MPPED2: variants seen among roughly 807,000 people sequenced by gnomAD.
The protein encoded by MPPED2 is metallophosphoesterase MPPED2.
In MPPED2, 5 loss-of-function variants were observed where a neutral mutation model predicts 33.0. The observed-to-expected ratio is 0.15, with a 90% CI of 0.08 to 0.32. The LOEUF is 0.32. MPPED2 is among the 10% of genes least tolerant of loss of function. The probability of loss-of-function intolerance (pLI) is 1.00; values close to 1 mark genes in which losing one functional copy is unlikely to be tolerated. For missense variants in MPPED2, 275 were observed against 372.1 expected (o/e 0.74, Z 2.15); for synonymous variants, 136 against 141.9 (o/e 0.96, Z 0.29).
At chr11:30,550,917 C>G (rs898176753) in intron 2 of MPPED2, among the ~76,000 whole-genome samples, 1 of 152,128 alleles carries the variant, frequency 6.6e-6, no homozygotes, top group African/African-American at 2.4e-5. Flanking sequence ...AGGACTTAAA[C>G]CCAAAGAAAG....
intron 4 of MPPED2, among the ~76,000 whole-genome samples, chr11:30,433,364 A>T (rs557516350): frequency 1.3e-5 from 2 of 152,316 alleles, no homozygotes; most frequent in South Asian, 4.1e-4. Flanking sequence ...TTTTTAAAAT[A>T]ATGGCTATTC....
intron 6 of MPPED2, among the ~76,000 whole-genome samples, chr11:30,412,959 C>T (rs924970879): frequency 6.6e-6 from 1 of 152,180 alleles, no homozygotes; most frequent in East Asian, 1.9e-4. Context: ...TCCCACCTCC[C>T]TAGTCTCCCC....
chr11:30,582,742 CTAA>C (rs1307649450), intron 1 of MPPED2, among the ~76,000 whole-genome samples: 3 of 152,186 alleles, frequency 2.0e-5, no homozygotes, highest in African/African-American at 4.8e-5. Context: ...CCGCTTGATC[CTAA>C]TGTCAACCTT....
At chr11:30,504,272 T>G (rs1952710962) in intron 3 of MPPED2, among the ~76,000 whole-genome samples, 1 of 152,118 alleles carries the variant, frequency 6.6e-6, no homozygotes, top group African/African-American at 2.4e-5. Flanking sequence ...GAGGAATGAA[T>G]AAGAATAACC....
intron 6 of MPPED2, among the ~76,000 whole-genome samples, chr11:30,399,667 T>G (rs551256416): frequency 6.6e-6 from 1 of 152,320 alleles, no homozygotes; most frequent in African/African-American, 2.4e-5. Flanking sequence ...AAGACCTCAT[T>G]CATGTAGAGT....
chr11:30,522,921 T>A (rs1343213878), intron 3 of MPPED2, among the ~76,000 whole-genome samples: 1 of 152,202 alleles, frequency 6.6e-6, no homozygotes, highest in Non-Finnish European at 1.5e-5. Context: ...GGATTTTTAA[T>A]GAAAACAATT....
At chr11:30,470,209 T>A (rs1590407000) in intron 4 of MPPED2, among the ~76,000 whole-genome samples, 1 of 151,936 alleles carries the variant, frequency 6.6e-6, no homozygotes, top group South Asian at 2.1e-4. Flanking sequence ...ATGTAAGAGG[T>A]TTTGGAAAAC....
In MPPED2 at chr11:30,473,644, A is replaced by T. The variant is rs192965644; in HGVS notation, c.536+21652T>A. On this transcript the variant is annotated intron_variant, in intron 4 of 6. Coordinates refer to ENST00000358117, the MANE Select transcript of MPPED2 (RefSeq NM_001584.3). ...ACCTAGTGACTTGCTTCTAATAAAAAAAAAAAGTTCAGCCAAAGTGATGGA... is the reference window on the plus strand; with the variant it reads ...ACCTAGTGACTTGCTTCTAATAAAATAAAAAAGTTCAGCCAAAGTGATGGA... Among the ~76,000 whole-genome samples, 1,021 of 152,250 alleles carry T rather than the reference A, an allele frequency of 6.7e-3. 5 individuals are homozygous for T. Among genetic ancestry groups the T allele is most frequent in the Non-Finnish European group, 0.011 (762 of 68,018 alleles).
chr11:30,507,741 G>A (rs1046544987), intron 3 of MPPED2, among the ~76,000 whole-genome samples: 5 of 152,072 alleles, frequency 3.3e-5, no homozygotes, highest in African/African-American at 1.2e-4. Flanking sequence ...AAATCATGAA[G>A]TCTCCTTTGG....
intron 2 of MPPED2, among the ~76,000 whole-genome samples, chr11:30,567,573 C>T (rs956022685): frequency 1.3e-4 from 20 of 152,130 alleles, no homozygotes; most frequent in South Asian, 2.1e-4. Context: ...TAATTTAATA[C>T]ATTGGCTACA....
chr11:30,442,438 C>T (rs754645258), intron 4 of MPPED2, among the ~76,000 whole-genome samples: 1 of 152,194 alleles, frequency 6.6e-6, no homozygotes, highest in Non-Finnish European at 1.5e-5. Context: ...ACGGGAGAGA[C>T]AAGACTCCTT....
intron 3 of MPPED2, among the ~76,000 whole-genome samples, chr11:30,521,603 A>C (rs1480091136): frequency 6.6e-6 from 1 of 152,242 alleles, no homozygotes; most frequent in East Asian, 1.9e-4. Flanking sequence ...AATTTCATTA[A>C]TTGTTAAAAT....
At chr11:30,437,279 A>G (rs2133878150) in intron 4 of MPPED2, among the ~76,000 whole-genome samples, 1 of 152,282 alleles carries the variant, frequency 6.6e-6, no homozygotes, top group African/African-American at 2.4e-5. Flanking sequence ...TTCCCTGTTC[A>G]TTTAGGTTTT....
chr11:30,432,515 T>C (rs1010593326), intron 4 of MPPED2, among the ~76,000 whole-genome samples: 3 of 152,052 alleles, frequency 2.0e-5, no homozygotes. Flanking sequence ...AAAGGTATCT[T>C]TATGTGAGCC....
intron 2 of MPPED2, among the ~76,000 whole-genome samples, chr11:30,545,656 T>C (rs1955378009): frequency 6.6e-6 from 1 of 152,224 alleles, no homozygotes; most frequent in East Asian, 1.9e-4. Context: ...AGGCTCTTTT[T>C]CCCATTTGGC....
At chr11:30,567,458 CT>C (rs893053292) in intron 2 of MPPED2, among the ~76,000 whole-genome samples, 3 of 151,994 alleles carry the variant, frequency 2.0e-5, no homozygotes, top group African/African-American at 7.3e-5. Context: ...GTGTTAAATC[CT>C]TTTTCCCAGC....
intron 6 of MPPED2, chr11:30,388,995 G>A: frequency 6.5e-7 from 1 of 1,531,006 alleles, no homozygotes; most frequent in African/African-American, 1.4e-5. Flanking sequence ...GAGAGAGAGA[G>A]AGAGATGAAC....
At chr11:30,417,731 T>A in intron 4 of MPPED2, 98 bp from the exon 5 acceptor site, 1 of 697,646 alleles carries the variant, frequency 1.4e-6, no homozygotes. Context: ...TTTGCATTGC[T>A]CTCTTTTCTC....
At chr11:30,448,427 A>G (rs1208237869) in intron 4 of MPPED2, among the ~76,000 whole-genome samples, 1 of 152,128 alleles carries the variant, frequency 6.6e-6, no homozygotes, top group South Asian at 2.1e-4. Context: ...CTCACTCCCT[A>G]TCTATGGTCT....
Sources: gnomAD v4.1 joint callset for allele counts (sites outside exome capture counted in the v4.1 genomes callset) on GRCh38, gnomAD v4.1.1 for gene constraint, MANE v1.5 for transcripts, NCBI Gene and HGNC (gene_info 2026-07-23, HGNC 2026-07-21) for gene names.